Variants in RIMS2 observed in about 807,000 individuals in gnomAD.
The protein encoded by RIMS2 is regulating synaptic membrane exocytosis 2.
Under a neutral mutation model 174.4 loss-of-function variants are expected in RIMS2, and 59 were observed. The observed-to-expected ratio is 0.34, with a 90% CI of 0.27 to 0.42. The LOEUF (loss-of-function observed/expected upper bound fraction) is 0.42. Ranked by LOEUF, RIMS2 falls within the 10% of genes least tolerant of loss-of-function variation. The probability of loss-of-function intolerance (pLI) is 1.00; values close to 1 mark genes in which losing one functional copy is unlikely to be tolerated. For synonymous variants in RIMS2, 606 were observed against 572.5 expected, an observed-to-expected ratio of 1.06 and a Z score of -0.84; for missense variants, 1,620 against 1,666.3, an observed-to-expected ratio of 0.97 and a Z score of 0.48.
chr8:104,173,696 C>T (rs1271553731), intron 19 of RIMS2, among the ~76,000 whole-genome samples: 2 of 125,490 alleles, frequency 1.6e-5, no homozygotes, highest in African/African-American at 6.1e-5. Context: ...TGGTGCGATC[C>T]TGGCTCACTG....
chr8:103,586,482 G>A (rs1217100635), intron 1 of RIMS2, among the ~76,000 whole-genome samples: 1 of 152,040 alleles, frequency 6.6e-6, no homozygotes, highest in Non-Finnish European at 1.5e-5. Context: ...ATTAAACAAT[G>A]TGCTTTGAAA....
intron 1 of RIMS2, among the ~76,000 whole-genome samples, chr8:103,562,947 C>A (rs966318510): frequency 1.1e-4 from 16 of 152,182 alleles, no homozygotes; most frequent in Non-Finnish European, 1.9e-4. Context: ...CTGAGCCGTA[C>A]CTTGGCCCCT....
At chr8:103,882,691 A>G (rs1032963919) in intron 3 of RIMS2, among the ~76,000 whole-genome samples, 3 of 151,592 alleles carry the variant, frequency 2.0e-5, no homozygotes, top group African/African-American at 7.2e-5. Flanking sequence ...GCTGGATTTA[A>G]CATTGAATTC....
At chr8:104,184,756 C>A (rs2136096396) in intron 19 of RIMS2, among the ~76,000 whole-genome samples, 1 of 151,476 alleles carries the variant, frequency 6.6e-6, no homozygotes, top group South Asian at 2.1e-4. Context: ...TCCTAGAAAT[C>A]CTTAGTAAAT....
At chr8:103,957,060 A>AT (rs2087564902) in intron 14 of RIMS2, among the ~76,000 whole-genome samples, 1 of 152,360 alleles carries the variant, frequency 6.6e-6, no homozygotes, top group East Asian at 1.9e-4. Flanking sequence ...GTACCATCTC[A>AT]TGCCAGTTAG....
At position 103,849,612 on chromosome 8, in the gene RIMS2, A is replaced by C. The variant is rs80288441; in HGVS notation, c.699-35686A>C. On this transcript the variant is annotated intron_variant, in intron 3 of 23. Coordinates refer to ENST00000504942, the Ensembl canonical transcript of RIMS2. ...CATATCAGTAGGTCATTAGCTCTGAACCATACCTGGGGAGGGAATAGCAGT... is the reference window on the plus strand; with the variant it reads ...CATATCAGTAGGTCATTAGCTCTGACCCATACCTGGGGAGGGAATAGCAGT... Among the ~76,000 whole-genome samples the C allele has an allele frequency of 8.4e-3, 1,281 of 152,006 alleles. 22 individuals carry two copies. Among genetic ancestry groups the C allele is most frequent in the African/African-American group, 0.03 (1,226 of 41,494 alleles).
At chr8:103,999,768 G>C (rs1396040533) in intron 17 of RIMS2, among the ~76,000 whole-genome samples, 2 of 151,598 alleles carry the variant, frequency 1.3e-5, no homozygotes, top group African/African-American at 4.8e-5. Context: ...ATGTTACTTA[G>C]TTTTTCCATT....
At chr8:103,795,262 G>A (rs1219914812) in intron 3 of RIMS2, among the ~76,000 whole-genome samples, 1 of 152,168 alleles carries the variant, frequency 6.6e-6, no homozygotes, top group Non-Finnish European at 1.5e-5. Flanking sequence ...CCATAAAAAG[G>A]ATGAGTTCAT....
At chr8:103,541,720 A>T (rs1380345765) in intron 1 of RIMS2, among the ~76,000 whole-genome samples, 1 of 152,202 alleles carries the variant, frequency 6.6e-6, no homozygotes, top group African/African-American at 2.4e-5. Flanking sequence ...GTTAACTATT[A>T]AAAATAGTAA....
chr8:103,524,510 A>G (rs984964613), intron 1 of RIMS2, among the ~76,000 whole-genome samples: 1 of 152,222 alleles, frequency 6.6e-6, no homozygotes. Context: ...TGGACAGTGA[A>G]TTCATCAAAA....
chr8:103,550,859 G>T (rs930431476), intron 1 of RIMS2, among the ~76,000 whole-genome samples: 2 of 150,298 alleles, frequency 1.3e-5, no homozygotes, highest in Non-Finnish European at 3.0e-5. Flanking sequence ...AAATCTAGAA[G>T]AAATGGATAA....
chr8:104,238,669 G>A lies in RIMS2; in HGVS notation c.3335-6247G>A, dbSNP rs114199137. Among the ~76,000 whole-genome samples the A allele has an allele frequency of 4.5e-3, 692 of 152,098 alleles. 9 individuals carry two copies. Among genetic ancestry groups the A allele is most frequent in the African/African-American group, 0.016 (650 of 41,500 alleles). On this transcript the variant is annotated intron_variant, in intron 19 of 23. Transcript: ENST00000504942. ...TACCAAAGACAAACTAGCCACTCAG[G>A]ACCTCAACTTTCTCATTGCTGCAAT...
intron 1 of RIMS2, among the ~76,000 whole-genome samples, chr8:103,636,912 T>TC (rs944709362): frequency 3.3e-5 from 5 of 151,518 alleles, no homozygotes; most frequent in Non-Finnish European, 5.9e-5. Context: ...AGGAAAGTTC[T>TC]CACCCAAGTT....
intron 1 of RIMS2, among the ~76,000 whole-genome samples, chr8:103,565,507 T>G (rs2092242273): frequency 6.6e-6 from 1 of 152,040 alleles, no homozygotes; most frequent in South Asian, 2.1e-4. Flanking sequence ...GTTTTTGCCA[T>G]TTTGCCCAGG....
chr8:104,223,181 G>C (rs1156835089), intron 19 of RIMS2, among the ~76,000 whole-genome samples: 1 of 152,156 alleles, frequency 6.6e-6, no homozygotes, highest in Non-Finnish European at 1.5e-5. Context: ...GAAACAGCAG[G>C]AGCTACTCGG....
chr8:103,871,522 A>T (rs1293932453), intron 3 of RIMS2, among the ~76,000 whole-genome samples: 1 of 151,980 alleles, frequency 6.6e-6, no homozygotes, highest in African/African-American at 2.4e-5. Context: ...CTACTTTCAG[A>T]TTTTTTTATT....
intron 2 of RIMS2, among the ~76,000 whole-genome samples, chr8:103,707,958 T>C (rs1279383962): frequency 6.6e-6 from 1 of 152,202 alleles, no homozygotes; most frequent in East Asian, 1.9e-4. Context: ...TATTTTAATG[T>C]AGCTGGGCTG....
At chr8:103,856,452 A>T (rs2099028163) in intron 3 of RIMS2, among the ~76,000 whole-genome samples, 1 of 152,224 alleles carries the variant, frequency 6.6e-6, no homozygotes. Flanking sequence ...TGTGACTTTT[A>T]TACTGGAATG....
intron 19 of RIMS2, among the ~76,000 whole-genome samples, chr8:104,223,108 A>T (rs2099163009): frequency 6.6e-6 from 1 of 152,172 alleles, no homozygotes; most frequent in South Asian, 2.1e-4. Flanking sequence ...CTTATCTGAG[A>T]TGCCTAACTC....
Sources: gnomAD v4.1 joint callset for allele counts (sites outside exome capture counted in the v4.1 genomes callset) on GRCh38, gnomAD v4.1.1 for gene constraint, MANE v1.5 for transcripts, NCBI Gene and HGNC (gene_info 2026-07-23, HGNC 2026-07-21) for gene names.